The following OPCML variants were observed in gnomAD, a reference collection of about 807,000 sequenced individuals.
The protein encoded by OPCML is opioid-binding protein/cell adhesion molecule.
In OPCML, 13 loss-of-function variants were observed where a neutral mutation model predicts 37.8. The ratio of observed to expected loss-of-function variants is 0.34; its 90% CI spans 0.22 to 0.55. The LOEUF (loss-of-function observed/expected upper bound fraction) is 0.55. OPCML is among the 20% of genes least tolerant of loss of function. The pLI is 0.91. For synonymous variants in OPCML, 176 were observed against 168.8 expected, an observed-to-expected ratio of 1.04 and a Z score of -0.33; for missense variants, 341 against 435.6, an observed-to-expected ratio of 0.78 and a Z score of 1.93.
chr11:133,059,302 T>G (rs1038602931), intron 1 of OPCML, among the ~76,000 whole-genome samples: 1 of 152,228 alleles, frequency 6.6e-6, no homozygotes, highest in African/African-American at 2.4e-5. Flanking sequence ...CATCTGGTGG[T>G]TCTTAGAGTG....
At chr11:132,936,967 T>G (rs1391781863) in intron 2 of OPCML, among the ~76,000 whole-genome samples, 2 of 152,072 alleles carry the variant, frequency 1.3e-5, no homozygotes, top group Non-Finnish European at 2.9e-5. Flanking sequence ...AGAAAGAAAA[T>G]GAAGAAAAGT....
At chr11:132,893,871 C>T (rs1943741001) in intron 2 of OPCML, among the ~76,000 whole-genome samples, 1 of 152,160 alleles carries the variant, frequency 6.6e-6, no homozygotes, top group South Asian at 2.1e-4. Context: ...TATAGGCTGT[C>T]TTTACACACT....
chr11:132,693,081 C>T (rs1943467157), intron 2 of OPCML, among the ~76,000 whole-genome samples: 1 of 152,106 alleles, frequency 6.6e-6, no homozygotes, highest in African/African-American at 2.4e-5. Context: ...GGCTCTTTGC[C>T]CAGAAGGATT....
intron 4 of OPCML, among the ~76,000 whole-genome samples, chr11:132,520,482 C>G (rs566422349): frequency 3.0e-4 from 45 of 152,164 alleles, no homozygotes; most frequent in Admixed American, 1.3e-3. Flanking sequence ...ACAACAAATT[C>G]TTATATAAGC....
At chr11:132,743,829 A>G (rs1453237456) in intron 2 of OPCML, among the ~76,000 whole-genome samples, 1 of 152,220 alleles carries the variant, frequency 6.6e-6, no homozygotes, top group Non-Finnish European at 1.5e-5. Context: ...TCACAGTAGC[A>G]TCTACGTGAC....
chr11:132,447,897 G>C (rs192906412), intron 4 of OPCML, among the ~76,000 whole-genome samples: 73 of 152,326 alleles, frequency 4.8e-4, no homozygotes, highest in Admixed American at 2.2e-3. Flanking sequence ...AGAGCTCCAG[G>C]CTCATCAGCT....
chr11:133,005,900 C>T (rs1454917622), intron 1 of OPCML: 1 of 985,398 alleles, frequency 1.0e-6, no homozygotes, highest in Non-Finnish European at 1.2e-6. Flanking sequence ...TCCAATCATC[C>T]TTTGGGTTAG....
At chr11:133,039,389 T>C (rs1012728219) in intron 1 of OPCML, among the ~76,000 whole-genome samples, 1 of 152,152 alleles carries the variant, frequency 6.6e-6, no homozygotes, top group African/African-American at 2.4e-5. Context: ...CCCAAGTCCT[T>C]GCCTCCTCAT....
chr11:133,126,101 G>A (rs962952923), intron 1 of OPCML, among the ~76,000 whole-genome samples: 1 of 150,406 alleles, frequency 6.6e-6, no homozygotes, highest in Non-Finnish European at 1.5e-5. Flanking sequence ...ACACATATAT[G>A]AGAGAGAGAG....
intron 1 of OPCML, among the ~76,000 whole-genome samples, chr11:133,044,962 T>G (rs1947979452): frequency 6.6e-6 from 1 of 152,144 alleles, no homozygotes; most frequent in Non-Finnish European, 1.5e-5. Flanking sequence ...GAACCTCTCC[T>G]CTCTCAAGTG....
chr11:132,746,610 T>C (rs3019858), intron 2 of OPCML, among the ~76,000 whole-genome samples: 151,859 of 152,270 alleles, frequency 1, 75,725 homozygotes, highest in Middle Eastern at 1. Context: ...GGGATTAGGT[T>C]TTTCCTGCAA....
intron 3 of OPCML, among the ~76,000 whole-genome samples, chr11:132,652,561 C>A (rs1941486690): frequency 6.6e-6 from 1 of 152,168 alleles, no homozygotes; most frequent in Non-Finnish European, 1.5e-5. Flanking sequence ...AGGCTCTTAA[C>A]CTCCATGAGC....
intron 3 of OPCML, among the ~76,000 whole-genome samples, chr11:132,540,159 A>G (rs2096352514): frequency 6.6e-6 from 1 of 152,130 alleles, no homozygotes; most frequent in Non-Finnish European, 1.5e-5. Flanking sequence ...TGAAAGAGAG[A>G]GATTTGAGTG....
intron 2 of OPCML, among the ~76,000 whole-genome samples, chr11:132,760,435 G>T (rs192011872): frequency 1.8e-3 from 276 of 152,200 alleles, no homozygotes; most frequent in Middle Eastern, 3.4e-3. Context: ...GGGAGTCTGA[G>T]TCTCTTTGGA....
chr11:133,481,431 CT>C (rs934178983), intron 1 of OPCML, among the ~76,000 whole-genome samples: 2 of 147,096 alleles, frequency 1.4e-5, no homozygotes, highest in Admixed American at 6.8e-5. Flanking sequence ...CATAATTCTT[CT>C]CCCCAGTTAA....
At chr11:133,311,340 ATTC>A (rs1355185072) in intron 1 of OPCML, among the ~76,000 whole-genome samples, 1 of 152,206 alleles carries the variant, frequency 6.6e-6, no homozygotes, top group Non-Finnish European at 1.5e-5. Flanking sequence ...GAACACACTT[ATTC>A]TTCTTGTTAT....
chr11:133,213,540 G>A (rs1026015222), intron 1 of OPCML, among the ~76,000 whole-genome samples: 3 of 152,092 alleles, frequency 2.0e-5, no homozygotes, highest in African/African-American at 7.2e-5. Context: ...AATAATAACA[G>A]TTTTGATTTT....
At chr11:133,183,975 G>C (rs1041141507) in intron 1 of OPCML, among the ~76,000 whole-genome samples, 1 of 152,066 alleles carries the variant, frequency 6.6e-6, no homozygotes, top group Non-Finnish European at 1.5e-5. Context: ...ACTTATTTAC[G>C]CAGCACACAC....
chr11:132,991,415 G>T (rs994462963), intron 1 of OPCML, among the ~76,000 whole-genome samples: 2 of 152,102 alleles, frequency 1.3e-5, no homozygotes, highest in African/African-American at 4.8e-5. Flanking sequence ...TTTCACCTTA[G>T]ATTAGCGGTG....
Sources: allele counts gnomAD v4.1 joint callset (sites outside exome capture counted in the v4.1 genomes callset), GRCh38; gene constraint gnomAD v4.1.1; transcripts MANE v1.5; gene names NCBI Gene and HGNC (gene_info 2026-07-23, HGNC 2026-07-21).